DMD: variants seen among roughly 807,000 people sequenced by gnomAD.
The protein encoded by DMD is mutant dystrophin.
A neutral mutation model predicts 330.1 loss-of-function variants in DMD; 63 were observed. The ratio of observed to expected loss-of-function variants is 0.19; its 90% CI spans 0.16 to 0.24. The LOEUF (loss-of-function observed/expected upper bound fraction) is 0.24. Ranked by LOEUF, DMD falls within the 10% of genes least tolerant of loss-of-function variation. The pLI, the probability that DMD is intolerant of heterozygous loss-of-function variation, is 1.00. For synonymous variants in DMD, 1,223 were observed against 959.8 expected (o/e 1.27, Z -5.07); for missense variants, 3,344 against 2,684.1 (o/e 1.25, Z -5.43).
chrX:31,595,137 A>G (rs1444543580), intron 55 of DMD, among the ~76,000 whole-genome samples: 1 of 111,628 alleles, frequency 9.0e-6, no homozygotes, highest in Non-Finnish European at 1.9e-5. Flanking sequence ...ACATAAGCTC[A>G]CATAATTTGA....
intron 44 of DMD, among the ~76,000 whole-genome samples, chrX:32,000,042 T>A (rs758512169): frequency 8.9e-6 from 1 of 112,569 alleles, no homozygotes; most frequent in South Asian, 3.6e-4. Flanking sequence ...ATACTGCAAC[T>A]TCTGGAGACT....
intron 9 of DMD, among the ~76,000 whole-genome samples, chrX:32,656,447 G>A (rs2060578866): frequency 8.9e-6 from 1 of 111,902 alleles, no homozygotes; most frequent in African/African-American, 3.2e-5. Flanking sequence ...TCATTTTTTA[G>A]TTCATCCATC....
intron 2 of DMD, among the ~76,000 whole-genome samples, chrX:32,932,524 G>A (rs2089678530): frequency 9.0e-6 from 1 of 111,327 alleles, no homozygotes; most frequent in Non-Finnish European, 1.9e-5. Context: ...GACCTCTAAG[G>A]CATTTGGAAT....
At chrX:31,934,385 A>T (rs1021045853) in intron 45 of DMD, among the ~76,000 whole-genome samples, 1 of 112,040 alleles carries the variant, frequency 8.9e-6, no homozygotes, top group Admixed American at 9.5e-5. Flanking sequence ...TGGGACACGT[A>T]AAGTTACATT....
chrX:32,345,451 G>A (rs1187576449), intron 39 of DMD, among the ~76,000 whole-genome samples: 2 of 111,014 alleles, frequency 1.8e-5, no homozygotes, highest in Admixed American at 1.9e-4. Context: ...GTAGATAGTT[G>A]CAAAGAGTGA....
intron 47 of DMD, among the ~76,000 whole-genome samples, chrX:31,927,465 T>C (rs776486620): frequency 8.9e-5 from 10 of 112,061 alleles, no homozygotes; most frequent in Non-Finnish European, 1.7e-4. Context: ...TACTGAGATA[T>C]TGTAGAACAT....
intron 13 of DMD, among the ~76,000 whole-genome samples, chrX:32,591,883 C>A: frequency 8.8e-6 from 1 of 113,015 alleles, no homozygotes; most frequent in Non-Finnish European, 1.9e-5. Context: ...TCCTCGCTCC[C>A]CGCACTGGCT....
intron 44 of DMD, among the ~76,000 whole-genome samples, chrX:32,052,657 G>A (rs141785315): frequency 9.0e-6 from 1 of 111,577 alleles, no homozygotes; most frequent in African/African-American, 3.3e-5. Context: ...TATTGGGTTA[G>A]TCAGATTTCA....
At position 32,735,607 on chromosome X, in the gene DMD, C is replaced by T. The variant is rs184489799; in HGVS notation, c.650-36314G>A. 6.3e-3 allele frequency among the ~76,000 whole-genome samples: 701 copies of T among 110,666 alleles called. 8 individuals are homozygous for T. The highest frequency in any genetic ancestry group is 0.021 in the African/African-American group (632 of 30,305). Reference sequence around the variant, plus strand: ...AACAGAACAGAGCCCTCAGAAATAACGCCGCATATCTACCACTATCTGATC... The same window carrying T: ...AACAGAACAGAGCCCTCAGAAATAATGCCGCATATCTACCACTATCTGATC... On this transcript the variant is annotated intron_variant, in intron 7 of 78. Transcript: ENST00000357033.
At chrX:32,056,390 T>TAAAAAAAAAAAAAAAAAAAAAAAAA (rs34726053) in intron 44 of DMD, among the ~76,000 whole-genome samples, 1 of 47,572 alleles carries the variant, frequency 2.1e-5, no homozygotes, top group Non-Finnish European at 4.2e-5. Flanking sequence ...GTAGATTAAG[T>TAAAAAAAAAAAAAAAAAAAAAAAAA]AAAAAAAAAA....
chrX:32,585,861 A>C (rs967404600), intron 13 of DMD, among the ~76,000 whole-genome samples: 4 of 109,955 alleles, frequency 3.6e-5, no homozygotes, highest in African/African-American at 1.3e-4. Context: ...TCAACTCATA[A>C]ATTATAAAGT....
intron 9 of DMD, among the ~76,000 whole-genome samples, chrX:32,679,568 T>C (rs2062220047): frequency 9.0e-6 from 1 of 110,874 alleles, no homozygotes; most frequent in Non-Finnish European, 1.9e-5. Flanking sequence ...TTCAAAAACA[T>C]TTAACAGAAG....
At chrX:31,511,665 TC>T (rs1457756102) in intron 55 of DMD, among the ~76,000 whole-genome samples, 1 of 101,938 alleles carries the variant, frequency 9.8e-6, no homozygotes, top group Non-Finnish European at 2.0e-5. Flanking sequence ...TGTGAACTCA[TC>T]CTTTTTTTAT....
chrX:31,803,916 C>T (rs376154486), intron 50 of DMD, among the ~76,000 whole-genome samples: 2 of 109,886 alleles, frequency 1.8e-5, no homozygotes, highest in Admixed American at 9.7e-5. Flanking sequence ...TCAGGCTGGT[C>T]TCAAACTCCC....
At chrX:32,363,033 CAG>C in intron 36 of DMD, 75 bp from the exon 37 acceptor site, 1 of 997,441 alleles carries the variant, frequency 1.0e-6, no homozygotes, top group Non-Finnish European at 1.4e-6. Context: ...GAGAGCCAAA[CAG>C]AGCGAGTGAG....
intron 1 of DMD, among the ~76,000 whole-genome samples, chrX:33,271,892 T>G (rs112750527): frequency 9.0e-6 from 1 of 111,056 alleles, no homozygotes; most frequent in African/African-American, 3.3e-5. Context: ...TTTTCATTTT[T>G]ATTTTTTTTG....
At chrX:32,853,226 T>C (rs1166198564) in intron 2 of DMD, among the ~76,000 whole-genome samples, 1 of 111,913 alleles carries the variant, frequency 8.9e-6, no homozygotes, top group Non-Finnish European at 1.9e-5. Flanking sequence ...ATTTATCAAC[T>C]GGAAAGAAGA....
intron 53 of DMD, among the ~76,000 whole-genome samples, chrX:31,678,124 C>T (rs2082178607): frequency 8.9e-6 from 1 of 112,161 alleles, no homozygotes; most frequent in African/African-American, 3.2e-5. Context: ...ACCAAGAAAG[C>T]AGTCTTTATT....
chrX:31,781,855 G>A (rs922038843), intron 50 of DMD, among the ~76,000 whole-genome samples: 2 of 111,439 alleles, frequency 1.8e-5, no homozygotes, highest in Admixed American at 9.6e-5. Flanking sequence ...AATGTCTCCT[G>A]AGGAAAGAAA....
Sources: gnomAD v4.1 joint callset for allele counts (sites outside exome capture counted in the v4.1 genomes callset) on GRCh38, gnomAD v4.1.1 for gene constraint, MANE v1.5 for transcripts, NCBI Gene and HGNC (gene_info 2026-07-23, HGNC 2026-07-21) for gene names.